Variants in ANK2 observed in about 807,000 individuals in gnomAD.
ANK2 encodes ankyrin 2, also known as ankyrin-2.
ANK2 carries 83 observed loss-of-function variants against 360.5 expected under a neutral mutation model. The ratio of observed to expected loss-of-function variants is 0.23; its 90% CI spans 0.19 to 0.28. ANK2 has a LOEUF of 0.28. Among genes scored for constraint, ANK2 ranks in the 10% least tolerant of loss-of-function variants. ANK2 has a pLI of 1.00. For missense variants in ANK2, 4,201 were observed against 4,795.7 expected, an observed-to-expected ratio of 0.88 and a Z score of 3.66; for synonymous variants, 1,740 against 1,759.5, an observed-to-expected ratio of 0.99 and a Z score of 0.28.
chr4:113,083,286 C>T (rs768155960), intron 1 of ANK2, among the ~76,000 whole-genome samples: 6 of 152,122 alleles, frequency 3.9e-5, no homozygotes. Context: ...TCAAGTGAGT[C>T]TTCTGCCTTA....
chr4:113,282,680 C>T lies in ANK2; in HGVS notation c.1887C>T (p.Gly629=). The T allele has an allele frequency of 6.2e-7, 1 of 1,611,338 alleles. No homozygotes were observed. The highest frequency in any genetic ancestry group is 8.5e-7 in the Non-Finnish European group (1 of 1,178,290). Residue 629 remains glycine (G), a synonymous_variant, in exon 18 of 46, where the codon GGC becomes GGT. Transcript: ENST00000357077. ...TTTATTTTTGTTCTTTTTAGAATGG[C>T]TATACTCCGTTACATATTGCTGCCA... ...GASPHATAKN[G]YTPLHIAAKK...
intron 14 of ANK2, among the ~76,000 whole-genome samples, chr4:113,269,639 A>AT (rs2153671640): frequency 6.6e-6 from 1 of 152,320 alleles, no homozygotes; most frequent in East Asian, 1.9e-4. Flanking sequence ...GATGAGCCAG[A>AT]TACCTCAGTT....
chr4:112,957,647 AC>A (rs1428226726), intron 2 of ANK2, among the ~76,000 whole-genome samples: 10 of 125,550 alleles, frequency 8.0e-5, no homozygotes, highest in South Asian at 2.7e-4. Context: ...CGGGGGGCTG[AC>A]CCCCCCACCT....
In ANK2 at chr4:113,258,064, A is replaced by C. The variant is rs369217923; in HGVS notation, c.1203A>C (p.Pro401=). 1 of 1,614,014 alleles carries C rather than the reference A, an allele frequency of 6.2e-7. No individual in the cohort carries two copies. The highest frequency in any genetic ancestry group is 8.5e-7 in the Non-Finnish European group (1 of 1,179,952). Residue 401 remains proline, a synonymous_variant, in exon 12 of 46, where the codon CCA becomes CCC. Transcript: ENST00000357077. ...CTTTTGCACAGAATGGTTTTACTCC[A>C]CTGCACATTGCCTGCAAGAAAAACC... ...PNARALNGFT[P]LHIACKKNRI... is the part of the protein sequence containing the mutation.
At chr4:112,883,877 T>C (rs1208915703) in intron 1 of ANK2, among the ~76,000 whole-genome samples, 1 of 148,890 alleles carries the variant, frequency 6.7e-6, no homozygotes, top group African/African-American at 2.4e-5. Flanking sequence ...TATGTATATA[T>C]ATGTATATAT....
chr4:113,209,929 G>C (rs2099001445), intron 4 of ANK2, among the ~76,000 whole-genome samples: 1 of 152,118 alleles, frequency 6.6e-6, no homozygotes, highest in African/African-American at 2.4e-5. Flanking sequence ...AAGAATGTTG[G>C]CCAGAGTTCA....
chr4:113,343,491 G>A (rs1175096093), intron 34 of ANK2, among the ~76,000 whole-genome samples: 1 of 152,220 alleles, frequency 6.6e-6, no homozygotes, highest in Non-Finnish European at 1.5e-5. Flanking sequence ...AACTTCACAA[G>A]TGTGGAGATC....
intron 4 of ANK2, among the ~76,000 whole-genome samples, chr4:113,228,859 C>T (rs750032135): frequency 2.6e-5 from 4 of 152,102 alleles, no homozygotes; most frequent in Non-Finnish European, 1.5e-5. Context: ...AGCTAAAAAA[C>T]GGTTAAGTAT....
upstream of ANK2, among the ~76,000 whole-genome samples, chr4:112,817,491 T>C (rs369282100): frequency 6.6e-6 from 1 of 152,192 alleles, no homozygotes; most frequent in East Asian, 1.9e-4. Flanking sequence ...TGTTGGACTA[T>C]ATGTGAATCC....
intron 1 of ANK2, among the ~76,000 whole-genome samples, chr4:112,837,334 A>C (rs894589983): frequency 2.6e-5 from 4 of 152,238 alleles, no homozygotes; most frequent in Non-Finnish European, 5.9e-5. Flanking sequence ...CAGAGGATGT[A>C]TGGAAATGCC....
chr4:113,288,326 T>C (rs1322816948), intron 19 of ANK2, 62 bp from the exon 20 acceptor site: 2 of 1,365,542 alleles, frequency 1.5e-6, no homozygotes, highest in African/African-American at 2.9e-5. Context: ...TCTGGGGTAT[T>C]AACCACTAGA....
the ANK2 span, among the ~76,000 whole-genome samples, chr4:112,732,957 G>A: frequency 6.6e-6 from 1 of 152,044 alleles, no homozygotes; most frequent in Admixed American, 6.6e-5. Context: ...GGTGGCTCAC[G>A]CCTGTAATCC....
chr4:112,791,550 G>A, the ANK2 span, among the ~76,000 whole-genome samples: 40 of 145,436 alleles, frequency 2.8e-4, no homozygotes, highest in Middle Eastern at 3.6e-3. Flanking sequence ...GTGCTGTGGC[G>A]CGATCTTAGC....
chr4:113,001,331 C>CAAAAAA, intron 2 of ANK2, among the ~76,000 whole-genome samples: 1 of 84,220 alleles, frequency 1.2e-5, no homozygotes, highest in African/African-American at 4.6e-5. Flanking sequence ...AACTCTGTCT[C>CAAAAAA]AAAAAAAAAA....
rs568313657 is a variant in ANK2 at position 112,836,265 on chromosome 4, G to T, written c.-40+18001G>T. On this transcript the variant is annotated intron_variant, in intron 1 of 30. Coordinates refer to the ANK2 transcript ENST00000503271. ...TCCCTCCTGCCACCTTGTGAAGAAGGTGCCTTGCTTCCCCTTCTGCCATGA... is the reference window on the plus strand; with the variant it reads ...TCCCTCCTGCCACCTTGTGAAGAAGTTGCCTTGCTTCCCCTTCTGCCATGA... 1.5e-4 allele frequency among the ~76,000 whole-genome samples: 23 copies of T among 152,208 alleles called. No homozygotes were observed. In the East Asian group the frequency reaches 4.1e-3, roughly 27 times the overall value.
intron 4 of ANK2, among the ~76,000 whole-genome samples, chr4:113,225,794 A>G (rs919770456): frequency 3.9e-5 from 6 of 152,188 alleles, no homozygotes; most frequent in African/African-American, 1.4e-4. Context: ...TGCACATTCA[A>G]TTTGTCAAGA....
intron 2 of ANK2, chr4:112,904,563 C>T: frequency 3.7e-6 from 5 of 1,344,474 alleles, no homozygotes; most frequent in Non-Finnish European, 5.1e-6. Context: ...TATAAAAAGA[C>T]ACGGAGGTTA....
intron 2 of ANK2, among the ~76,000 whole-genome samples, chr4:112,917,598 A>T (rs2090263433): frequency 6.6e-6 from 1 of 152,218 alleles, no homozygotes; most frequent in South Asian, 2.1e-4. Flanking sequence ...GGTTATTAAG[A>T]TATATTATTA....
rs952095787 is a variant in ANK2, at chr4:112,821,499, AT to A, written c.-40+3246del. Among the ~76,000 whole-genome samples, 104 of 144,458 alleles carry A rather than the reference AT, an allele frequency of 7.2e-4. No individual in the cohort carries two copies. The East Asian group carries it at 0.019, about 26-fold the overall frequency. The allele number at this position is 144,458 out of a possible 152,430, so 94.8% of individuals were successfully genotyped here. On this transcript the variant is annotated intron_variant, in intron 1 of 30. Transcript: ENST00000503271. ...CTTTCTGAGAATGTAGACTACCCTA[AT>A]TTTTTTTTTTATTTTTTTTTTGAGA...
Sources: gnomAD v4.1 joint callset for allele counts (sites outside exome capture counted in the v4.1 genomes callset) on GRCh38, gnomAD v4.1.1 for gene constraint, MANE v1.5 for transcripts, NCBI Gene and HGNC (gene_info 2026-07-23, HGNC 2026-07-21) for gene names.